KCNA2: variants seen among roughly 807,000 people sequenced by gnomAD.
KCNA2 encodes potassium channel, voltage gated shaker related subfamily A, member 2.
Under a neutral mutation model 33.4 loss-of-function variants are expected in KCNA2, and 11 were observed. That is an observed-to-expected ratio of 0.33 (90% CI 0.21 to 0.55). The LOEUF (loss-of-function observed/expected upper bound fraction) is 0.55. Ranked by LOEUF, KCNA2 falls within the 20% of genes least tolerant of loss-of-function variation. KCNA2 has a pLI of 0.93. For synonymous variants in KCNA2, 222 were observed against 231.3 expected (o/e 0.96, Z 0.37); for missense variants, 291 against 621.6 (o/e 0.47, Z 5.66).
At position 110,601,885 on chromosome 1, in the gene KCNA2, C is replaced by T. The variant is rs984589639; in HGVS notation, c.*1398G>A. 4 of 1,451,908 alleles carry T rather than the reference C, an allele frequency of 2.8e-6. No individual in the cohort carries two copies. In the Admixed American group the frequency reaches 9.9e-5, roughly 36 times the overall value. The allele number at this position is 1,451,908 out of a possible 1,614,324, so 89.9% of individuals were successfully genotyped here. A position where few individuals can be genotyped will look rare whatever the true frequency, so the allele number is the denominator to read the frequency against. On this transcript the variant is annotated 3_prime_UTR_variant, in exon 3 of 3. Coordinates refer to ENST00000316361, the MANE Select transcript of KCNA2 (RefSeq NM_004974.4). Reference sequence around the variant, plus strand: ...ATACACCCTAGTGCACATAGTCAAACACATGCATAAATTGCCCTTTGTCAA... The same window carrying T: ...ATACACCCTAGTGCACATAGTCAAATACATGCATAAATTGCCCTTTGTCAA...
In KCNA2 at chr1:110,594,123, G is replaced by A. The variant is rs1325775766; in HGVS notation, c.*9160C>T. 9.4e-6 allele frequency: 13 copies of A among 1,385,898 alleles called. No individual in the cohort carries two copies. Among genetic ancestry groups the A allele is most frequent in the East Asian group, 2.8e-5 (1 of 35,960 alleles). The allele number at this position is 1,385,898 out of a possible 1,614,324, so 85.9% of individuals were successfully genotyped here. A position where few individuals can be genotyped will look rare whatever the true frequency, so the allele number is the denominator to read the frequency against. On this transcript the variant is annotated 3_prime_UTR_variant, in exon 3 of 3. Coordinates refer to ENST00000316361, the MANE Select transcript of KCNA2 (RefSeq NM_004974.4). ...AGTTCCTTCTGCTATTGATCCCAAGGAGGCTTATTTATCTACCTCTTTGAG... is the reference window on the plus strand; with the variant it reads ...AGTTCCTTCTGCTATTGATCCCAAGAAGGCTTATTTATCTACCTCTTTGAG...
chr1:110,630,316 C>G (rs1224151622), intron 1 of KCNA2, among the ~76,000 whole-genome samples: 2 of 152,134 alleles, frequency 1.3e-5, no homozygotes, highest in Non-Finnish European at 2.9e-5. Context: ...CCACCACACC[C>G]GGCCAGTGCT....
chr1:110,612,837 C>G (rs1649919103), intron 1 of KCNA2, among the ~76,000 whole-genome samples: 1 of 152,232 alleles, frequency 6.6e-6, no homozygotes, highest in Non-Finnish European at 1.5e-5. Flanking sequence ...TCACATTAAA[C>G]TGCCTCGAAA....
Position 110,595,280 on chromosome 1 carries a change from G to T in KCNA2, c.*8003C>A, listed in dbSNP as rs1005361857. ...TCTGGAACATATTAGACTATTTTAG[G>T]AGTGCAGAGGAGCACAGAAAGTTAT... is the stretch of plus-strand genomic sequence containing the variant. On this transcript the variant is annotated 3_prime_UTR_variant, in exon 3 of 3. Transcript: ENST00000316361. The T allele has an allele frequency of 2.0e-6, 2 of 985,426 alleles. No individual in the cohort carries two copies. The highest frequency in any genetic ancestry group is 2.4e-6 in the Non-Finnish European group (2 of 829,946). 61.0% of individuals were successfully genotyped at this position (985,426 alleles called of 1,614,324 possible).
chr1:110,612,593 A>T (rs1320091662), intron 1 of KCNA2, among the ~76,000 whole-genome samples: 1 of 152,140 alleles, frequency 6.6e-6, no homozygotes, highest in African/African-American at 2.4e-5. Context: ...AGTCTGGGTC[A>T]CTGCAACCCC....
intron 1 of KCNA2, among the ~76,000 whole-genome samples, chr1:110,626,864 T>C (rs1224037001): frequency 6.6e-6 from 1 of 152,176 alleles, no homozygotes; most frequent in Non-Finnish European, 1.5e-5. Flanking sequence ...CTGCATGGAA[T>C]TCCCACCCCT....
rs529658709 is a variant in KCNA2 at position 110,612,553 on chromosome 1, G to A, written c.-495-6831C>T. Among the ~76,000 whole-genome samples the A allele has an allele frequency of 1.1e-4, 16 of 152,066 alleles. No individual in the cohort carries two copies. In the South Asian group the frequency reaches 2.1e-3, roughly 20 times the overall value. ...TCTCTGATTCCCTCTCCCTCCCCACGCCGCCCTGGTTCAAGCCACCAGCAG... is the reference window on the plus strand; with the variant it reads ...TCTCTGATTCCCTCTCCCTCCCCACACCGCCCTGGTTCAAGCCACCAGCAG... On this transcript the variant is annotated intron_variant, in intron 1 of 4. Coordinates refer to the KCNA2 transcript ENST00000369770.
At position 110,601,685 on chromosome 1, in the gene KCNA2, G is replaced by A. The variant is rs889591758; in HGVS notation, c.*1598C>T. The A allele has an allele frequency of 9.1e-7, 1 of 1,093,032 alleles. No homozygotes were observed. Among genetic ancestry groups the A allele is most frequent in the African/African-American group, 1.6e-5 (1 of 61,058 alleles). The allele number at this position is 1,093,032 out of a possible 1,614,324, so 67.7% of individuals were successfully genotyped here. Reference sequence around the variant, plus strand: ...TGGCAGCAAACCCAGGCCCAGTGGGGTTACCAATGAGACAAATTAACCCAT... The same window carrying A: ...TGGCAGCAAACCCAGGCCCAGTGGGATTACCAATGAGACAAATTAACCCAT... On this transcript the variant is annotated 3_prime_UTR_variant, in exon 3 of 3. Transcript: ENST00000316361.
chr1:110,621,168 C>T (rs1005942451), intron 1 of KCNA2, among the ~76,000 whole-genome samples: 14 of 152,246 alleles, frequency 9.2e-5, no homozygotes, highest in Admixed American at 5.9e-4. Flanking sequence ...CAGAGTCCCA[C>T]TCCTTGTTTG....
In KCNA2 at chr1:110,596,936, AG is replaced by A. The variant is rs1373063486; in HGVS notation, c.*6346del. 1 of 985,448 alleles carries A rather than the reference AG, an allele frequency of 1.0e-6. No homozygotes were observed. Among genetic ancestry groups the A allele is most frequent in the African/African-American group, 1.7e-5 (1 of 57,370 alleles). 61.0% of individuals were successfully genotyped at this position (985,448 alleles called of 1,614,324 possible). On this transcript the variant is annotated 3_prime_UTR_variant, in exon 3 of 3. Transcript: ENST00000316361. ...CATTTAAGCTCACAGATGTTAGGAA[AG>A]GGGACTCTTCTGAAGCCCCTGGCTA... is the stretch of plus-strand genomic sequence containing the variant.
rs895240053 is a variant in KCNA2, at chr1:110,597,418, A to C, written c.*5865T>G. 19 of 985,348 alleles carry C rather than the reference A, an allele frequency of 1.9e-5. No homozygotes were observed. The African/African-American group carries it at 3.3e-4, about 17-fold the overall frequency. The allele number at this position is 985,348 out of a possible 1,614,324, so 61.0% of individuals were successfully genotyped here. A position where few individuals can be genotyped will look rare whatever the true frequency, so the allele number is the denominator to read the frequency against. On this transcript the variant is annotated 3_prime_UTR_variant, in exon 3 of 3. Transcript: ENST00000316361. ...TGGGCTGAAAAGGTCACACAAACTT[A>C]GGATTTTCATGCCTAGAGGTTGTAA...
chr1:110,606,570 C>G (rs936684386), upstream of KCNA2: 1 of 152,506 alleles, frequency 6.6e-6, no homozygotes, highest in African/African-American at 2.4e-5. Flanking sequence ...ACCAGACCCT[C>G]CCGCTGGCCG....
At chr1:110,630,165 G>A (rs993697397) in intron 1 of KCNA2, among the ~76,000 whole-genome samples, 8 of 151,876 alleles carry the variant, frequency 5.3e-5, no homozygotes, top group South Asian at 2.1e-4. Context: ...ACAGGCATGC[G>A]CCACCATGCC....
rs1649296812 is a variant in KCNA2 at position 110,600,576 on chromosome 1, C to G, written c.*2707G>C. 2.0e-6 allele frequency: 2 copies of G among 985,348 alleles called. No individual in the cohort carries two copies. Among genetic ancestry groups the G allele is most frequent in the African/African-American group, 1.7e-5 (1 of 57,326 alleles). The allele number at this position is 985,348 out of a possible 1,614,324, so 61.0% of individuals were successfully genotyped here. On this transcript the variant is annotated 3_prime_UTR_variant, in exon 3 of 3. Coordinates refer to ENST00000316361, the MANE Select transcript of KCNA2 (RefSeq NM_004974.4). ...CATGTTTTATGTTTGTGTGTGACAA[C>G]AGTGTACCTATTTTGTGGTGAATGT...
rs1224380508 is a variant in KCNA2, at chr1:110,600,063, A to G, written c.*3220T>C. 2 of 984,194 alleles carry G rather than the reference A, an allele frequency of 2.0e-6. No individual in the cohort carries two copies. Among genetic ancestry groups the G allele is most frequent in the Non-Finnish European group, 2.4e-6 (2 of 829,904 alleles). The allele number at this position is 984,194 out of a possible 1,614,324, so 61.0% of individuals were successfully genotyped here. Reference sequence around the variant, plus strand: ...ATCTGGTAGTGAGAGAAAAGAATAGAGAAAGAGATTCCTTGAAAGATCCTG... The same window carrying G: ...ATCTGGTAGTGAGAGAAAAGAATAGGGAAAGAGATTCCTTGAAAGATCCTG... On this transcript the variant is annotated 3_prime_UTR_variant, in exon 3 of 3. Coordinates refer to ENST00000316361, the MANE Select transcript of KCNA2 (RefSeq NM_004974.4).
Position 110,601,117 on chromosome 1 carries a change from G to C in KCNA2, c.*2166C>G, listed in dbSNP as rs906007225. 1.7e-5 allele frequency: 17 copies of C among 985,376 alleles called. No individual in the cohort carries two copies. The South Asian group carries it at 3.8e-4, about 22-fold the overall frequency. 61.0% of individuals were successfully genotyped at this position (985,376 alleles called of 1,614,324 possible). ...TGCTCATTTGCACTCTACTTCTTCT[G>C]GGGGGTGGGAAATGATTCTTTACCC... On this transcript the variant is annotated 3_prime_UTR_variant, in exon 3 of 3. Coordinates refer to ENST00000316361, the MANE Select transcript of KCNA2 (RefSeq NM_004974.4).
chr1:110,597,635 G>A lies in KCNA2; in HGVS notation c.*5648C>T. 1.0e-6 allele frequency: 1 copy of A among 985,452 alleles called. No homozygotes were observed. The highest frequency in any genetic ancestry group is 1.2e-6 in the Non-Finnish European group (1 of 829,942). 61.0% of individuals were successfully genotyped at this position (985,452 alleles called of 1,614,324 possible). On this transcript the variant is annotated 3_prime_UTR_variant, in exon 3 of 3. Transcript: ENST00000316361. Reference sequence around the variant, plus strand: ...GAGGTCAGATCTCAAGAGGACAGGAGTCATGTGAACACGTGGGAAGAAGAA... The same window carrying A: ...GAGGTCAGATCTCAAGAGGACAGGAATCATGTGAACACGTGGGAAGAAGAA...
Position 110,596,159 on chromosome 1 carries a change from G to GA in KCNA2, c.*7123dup, listed in dbSNP as rs1003400689. 3.6e-4 allele frequency: 349 copies of GA among 971,764 alleles called. No individual in the cohort carries two copies. Among genetic ancestry groups the GA allele is most frequent in the African/African-American group, 1.7e-3 (95 of 56,246 alleles). 60.2% of individuals were successfully genotyped at this position (971,764 alleles called of 1,614,324 possible). ...TGCCTTCTAGAGAGGTCCCTAAGCAGAAAAAAAAAGAGTAGAACTGGAGAG... is the reference window on the plus strand; with the variant it reads ...TGCCTTCTAGAGAGGTCCCTAAGCAGAAAAAAAAAAGAGTAGAACTGGAGAG... On this transcript the variant is annotated 3_prime_UTR_variant, in exon 3 of 3. Transcript: ENST00000316361.
Position 110,602,389 on chromosome 1 carries a change from C to T in KCNA2, c.*894G>A. On this transcript the variant is annotated 3_prime_UTR_variant, in exon 3 of 3. Transcript: ENST00000316361. ...CTCCTGTGTTTTAAATATTGAGATT[C>T]ATGCAACAAACACCCATGCAGCTCT... 1 of 1,395,568 alleles carries T rather than the reference C, an allele frequency of 7.2e-7. No individual in the cohort carries two copies. Among genetic ancestry groups the T allele is most frequent in the Non-Finnish European group, 9.3e-7 (1 of 1,078,856 alleles). 86.4% of individuals were successfully genotyped at this position (1,395,568 alleles called of 1,614,324 possible).
Sources: gnomAD v4.1 joint callset for allele counts (sites outside exome capture counted in the v4.1 genomes callset) on GRCh38, gnomAD v4.1.1 for gene constraint, MANE v1.5 for transcripts, NCBI Gene and HGNC (gene_info 2026-07-23, HGNC 2026-07-21) for gene names.